DHX8: variants seen among roughly 807,000 people sequenced by gnomAD.
DHX8 encodes the protein ATP-dependent RNA helicase DHX8.
A neutral mutation model predicts 140.7 loss-of-function variants in DHX8; 67 were observed. That is an observed-to-expected ratio of 0.48 (90% CI 0.39 to 0.58). The LOEUF (loss-of-function observed/expected upper bound fraction) is 0.58, where lower values mean the gene tolerates loss of function less well. Among genes scored for constraint, DHX8 ranks in the 20% least tolerant of loss-of-function variants. DHX8 has a pLI of 0.00. For missense variants in DHX8, 887 were observed against 1,550.7 expected (o/e 0.57, Z 7.19); for synonymous variants, 533 against 553.2 (o/e 0.96, Z 0.51).
intron 20 of DHX8, 140 bp from the exon 21 acceptor site, chr17:43,521,229 C>A (rs911470992): frequency 1.8e-5 from 13 of 726,376 alleles, no homozygotes; most frequent in Admixed American, 6.1e-5. Context: ...TCCCAAAATG[C>A]TGGGATTACA....
intron 11 of DHX8, among the ~76,000 whole-genome samples, chr17:43,501,747 CAA>C (rs1969212918): frequency 6.6e-6 from 1 of 152,124 alleles, no homozygotes; most frequent in Admixed American, 6.5e-5. Context: ...CTCAGCCTCC[CAA>C]AGTGCCGGGA....
chr17:43,536,521 G>A, intron 3 of DHX8: 2 of 1,592,702 alleles, frequency 1.3e-6, no homozygotes, highest in Non-Finnish European at 1.7e-6. Context: ...CGGAGCCCTG[G>A]TTGTCCCCTG....
chr17:43,517,483 G>T (rs1970170444), intron 18 of DHX8, 161 bp downstream of exon 18: 2 of 793,368 alleles, frequency 2.5e-6, no homozygotes, highest in Non-Finnish European at 3.8e-6. Context: ...GCCTCTCACG[G>T]CAGGTCTGGG....
chr17:43,511,683 C>T (rs1969847090), intron 16 of DHX8, among the ~76,000 whole-genome samples: 1 of 150,690 alleles, frequency 6.6e-6, no homozygotes, highest in African/African-American at 2.4e-5. Flanking sequence ...GTCTCGAACT[C>T]CTGATCTCAG....
intron 3 of DHX8, among the ~76,000 whole-genome samples, chr17:43,537,163 C>T (rs947218609): frequency 2.6e-5 from 4 of 151,940 alleles, no homozygotes; most frequent in South Asian, 2.1e-4. Flanking sequence ...GTCCGGAGTT[C>T]GAGACCAGCC....
chr17:43,533,406 A>AC (rs1971067912), intron 2 of DHX8: 1 of 1,519,522 alleles, frequency 6.6e-7, no homozygotes, highest in South Asian at 1.2e-5. Flanking sequence ...GCATCTTTGA[A>AC]CCCTTCATTC....
downstream of DHX8, among the ~76,000 whole-genome samples, chr17:43,527,629 T>A (rs1373903888): frequency 6.6e-6 from 1 of 152,208 alleles, no homozygotes; most frequent in Non-Finnish European, 1.5e-5. Context: ...TATTTCTGGA[T>A]CCTCACACAG....
intron 2 of DHX8, chr17:43,536,347 T>C: frequency 1.6e-6 from 2 of 1,271,886 alleles, no homozygotes; most frequent in Non-Finnish European, 2.3e-6. Flanking sequence ...CAAGCTGCTC[T>C]CTTGTGATTC....
Position 43,492,662 on chromosome 17 carries a change from G to A in DHX8, c.504-19G>A, listed in dbSNP as rs770408964. On this transcript the variant is annotated intron_variant, in intron 5 of 22. Transcript: ENST00000262415. ...TCGGATTGGTTTCTTTTTTAAACAGGTGCTTATTGATTTGTTAGGGACAGG... is the reference window on the plus strand; with the variant it reads ...TCGGATTGGTTTCTTTTTTAAACAGATGCTTATTGATTTGTTAGGGACAGG... 7 of 1,399,392 alleles carry A rather than the reference G, an allele frequency of 5.0e-6. No individual in the cohort carries two copies. The highest frequency in any genetic ancestry group is 4.6e-5 in the East Asian group (2 of 43,794). The allele number at this position is 1,399,392 out of a possible 1,614,324, so 86.7% of individuals were successfully genotyped here.
Position 43,493,700 on chromosome 17 carries a change from T to A in DHX8, c.1026T>A (p.Thr342=). 6.2e-7 allele frequency: 1 copy of A among 1,614,218 alleles called. No homozygotes were observed. Among genetic ancestry groups the A allele is most frequent in the Non-Finnish European group, 8.5e-7 (1 of 1,180,034 alleles). ...TGCCTTAGGATGTGGATCAAGAGAC[T>A]GGAGAAGATCTAAACCCAAATAGAC... ...SLSMKDVDQE[T]GEDLNPNRRR... Residue 342 remains threonine, a synonymous_variant, in exon 8 of 23, where the codon ACT becomes ACA. Coordinates refer to ENST00000262415, the MANE Select transcript of DHX8 (RefSeq NM_004941.3).
At chr17:43,496,061 G>C in intron 8 of DHX8, 120 bp from the exon 9 acceptor site, 1 of 702,694 alleles carries the variant, frequency 1.4e-6, no homozygotes, top group Non-Finnish European at 2.4e-6. Flanking sequence ...TCAGGTCACT[G>C]CACTTCAGCC....
chr17:43,525,958 T>C (rs1008471954), downstream of DHX8: 12 of 985,304 alleles, frequency 1.2e-5, no homozygotes, highest in African/African-American at 2.1e-4. Flanking sequence ...GTTCGTTATC[T>C]TTTCTGGCTC....
In DHX8 at chr17:43,500,118, G is replaced by A; in HGVS notation, c.1546+15G>A. The stretch of plus-strand genomic sequence containing the variant: ...TCTGCCTGATGGTAGGACCCTTGGA[G>A]GGGTGTATGGACCTTGTTTAAAAAT... On this transcript the variant is annotated intron_variant, in intron 11 of 22. Coordinates refer to ENST00000262415, the MANE Select transcript of DHX8 (RefSeq NM_004941.3). The A allele has an allele frequency of 6.2e-7, 1 of 1,613,038 alleles. No individual in the cohort carries two copies. The highest frequency in any genetic ancestry group is 8.5e-7 in the Non-Finnish European group (1 of 1,179,420).
At chr17:43,491,123 T>G in intron 3 of DHX8, 42 bp from the exon 4 acceptor site, 1 of 877,772 alleles carries the variant, frequency 1.1e-6, no homozygotes. Flanking sequence ...ATTAAATATA[T>G]ATCTCTTTTT....
intron 16 of DHX8, among the ~76,000 whole-genome samples, chr17:43,511,623 A>G (rs1203666277): frequency 6.7e-6 from 1 of 149,664 alleles, no homozygotes; most frequent in Non-Finnish European, 1.5e-5. Context: ...ATGCCTGGCT[A>G]ATTTTTGTAT....
chr17:43,507,602 G>T lies in DHX8; in HGVS notation c.2023G>T (p.Asp675Tyr), dbSNP rs1236265420. Residue 675 changes from aspartate to tyrosine, a missense_variant, in exon 14 of 23, where the codon GAC becomes TAC. Asp to Tyr is a radical substitution (Grantham distance 160). Around this residue, in one of 9 missense-constraint regions of DHX8, gnomAD observed 178 missense variants for 398.5 expected, o/e 0.45. Transcript: ENST00000262415. The stretch of plus-strand genomic sequence containing the variant: ...GCTTAGAGAGTGCTTGATTGACCCT[G>T]ACCTCACTCAGTACGCGATCATCAT... Reference protein sequence around the residue: ...MLLRECLIDPDLTQYAIIMLD... With the variant: ...MLLRECLIDPYLTQYAIIMLD... 1 of 1,614,124 alleles carries T rather than the reference G, an allele frequency of 6.2e-7. No homozygotes were observed. The highest frequency in any genetic ancestry group is 8.5e-7 in the Non-Finnish European group (1 of 1,180,020).
intron 3 of DHX8, among the ~76,000 whole-genome samples, chr17:43,541,521 C>T (rs1239486932): frequency 6.6e-6 from 1 of 151,658 alleles, no homozygotes; most frequent in African/African-American, 2.4e-5. Flanking sequence ...AGGGACTCTC[C>T]TTTCAAAAAG....
rs781337314 is a variant in DHX8 at position 43,523,867 on chromosome 17, G to A, written c.*20G>A. 13 of 1,613,896 alleles carry A rather than the reference G, an allele frequency of 8.1e-6. No homozygotes were observed. The Admixed American group carries it at 2.2e-4, about 27-fold the overall frequency. On this transcript the variant is annotated 3_prime_UTR_variant, in exon 23 of 23. Coordinates refer to ENST00000262415, the MANE Select transcript of DHX8 (RefSeq NM_004941.3). The stretch of plus-strand genomic sequence containing the variant: ...CGCTGAAAGGCAAGATTGTTCCTTT[G>A]CCTCTCCAGCAGCAGTAGCCAGGGC...
chr17:43,533,252 C>G, intron 2 of DHX8: 3 of 1,613,946 alleles, frequency 1.9e-6, no homozygotes, highest in Non-Finnish European at 2.5e-6. Flanking sequence ...TCAGGAAATT[C>G]CGTTGCTCTG....
Sources: allele counts gnomAD v4.1 joint callset (sites outside exome capture counted in the v4.1 genomes callset), GRCh38; gene constraint gnomAD v4.1.1; regional missense constraint gnomAD v4.1.1; transcripts MANE v1.5; gene names NCBI Gene and HGNC (gene_info 2026-07-23, HGNC 2026-07-21).